Variants in NIPAL2 observed in about 807,000 individuals in gnomAD.
The protein encoded by NIPAL2 is NIPA-like protein 2.
In NIPAL2, 43 loss-of-function variants were observed where a neutral mutation model predicts 48.9. The observed-to-expected ratio is 0.88, with a 90% CI of 0.69 to 1.13. NIPAL2 has a LOEUF of 1.13. NIPAL2 is among the 50% of genes most tolerant of loss of function. The pLI, the probability that NIPAL2 is intolerant of heterozygous loss-of-function variation, is 0.00. For synonymous variants in NIPAL2, 167 were observed against 174.6 expected, an observed-to-expected ratio of 0.96 and a Z score of 0.34; for missense variants, 446 against 461.4, an observed-to-expected ratio of 0.97 and a Z score of 0.31.
chr8:98,204,523 G>T (rs180789861), intron 7 of NIPAL2, among the ~76,000 whole-genome samples: 1 of 152,078 alleles, frequency 6.6e-6, no homozygotes, highest in African/African-American at 2.4e-5. Flanking sequence ...TTGATGGAGT[G>T]GGGGCAGGGA....
chr8:98,232,377 A>C (rs879698108), intron 4 of NIPAL2, among the ~76,000 whole-genome samples: 15 of 152,194 alleles, frequency 9.9e-5, no homozygotes, highest in Admixed American at 5.2e-4. Flanking sequence ...ACCCAATCAG[A>C]GTTGTGGGAA....
chr8:98,273,827 A>C (rs1815291307), intron 1 of NIPAL2, among the ~76,000 whole-genome samples: 1 of 152,010 alleles, frequency 6.6e-6, no homozygotes, highest in East Asian at 1.9e-4. Context: ...GTACCACTAT[A>C]CATTTCCCTC....
At chr8:98,221,972 G>C (rs1379336896) in intron 5 of NIPAL2, among the ~76,000 whole-genome samples, 1 of 152,106 alleles carries the variant, frequency 6.6e-6, no homozygotes, top group Non-Finnish European at 1.5e-5. Context: ...CTACTATAAA[G>C]ACACATGCAC....
chr8:98,217,659 A>G (rs1180022028), intron 5 of NIPAL2, among the ~76,000 whole-genome samples: 2 of 152,218 alleles, frequency 1.3e-5, no homozygotes, highest in Non-Finnish European at 2.9e-5. Flanking sequence ...TTAGAGATGC[A>G]ATTATATAAC....
chr8:98,291,470 A>T (rs545277686), intron 1 of NIPAL2, among the ~76,000 whole-genome samples: 2 of 152,280 alleles, frequency 1.3e-5, no homozygotes, highest in East Asian at 3.9e-4. Context: ...CTTTGCTCTG[A>T]ATTTCCATGG....
At chr8:98,193,424 C>A in intron 10 of NIPAL2, 1 of 1,613,884 alleles carries the variant, frequency 6.2e-7, no homozygotes, top group Non-Finnish European at 8.5e-7. Context: ...TTCTTTTCCA[C>A]GTCGAATGCA....
chr8:98,233,164 A>G (rs1413814210), intron 4 of NIPAL2, among the ~76,000 whole-genome samples: 1 of 152,120 alleles, frequency 6.6e-6, no homozygotes, highest in Non-Finnish European at 1.5e-5. Context: ...AGGCTGAGGC[A>G]GGAGAATTGC....
At position 98,192,963 on chromosome 8, in the gene NIPAL2, C is replaced by A; in HGVS notation, c.*15G>T. On this transcript the variant is annotated 3_prime_UTR_variant, in exon 11 of 11. Transcript: ENST00000430223. ...TGGTATCGAATAACAGGCCAACAGC[C>A]ATCCTTCTCAGCATTTAGACCTCTT... 1 of 1,533,642 alleles carries A rather than the reference C, an allele frequency of 6.5e-7. No individual in the cohort carries two copies.
At chr8:98,199,819 C>T (rs1810721787) in intron 8 of NIPAL2, among the ~76,000 whole-genome samples, 1 of 152,098 alleles carries the variant, frequency 6.6e-6, no homozygotes, top group Admixed American at 6.5e-5. Context: ...ATCTGCAGAG[C>T]ACAATAAAAT....
intron 1 of NIPAL2, among the ~76,000 whole-genome samples, chr8:98,290,957 T>C (rs1187778250): frequency 6.6e-6 from 1 of 152,248 alleles, no homozygotes; most frequent in Non-Finnish European, 1.5e-5. Context: ...TGGCAATGTA[T>C]TGAAGACTTT....
At chr8:98,232,003 T>TA (rs1812463466) in intron 4 of NIPAL2, 1 of 152,206 alleles carries the variant, frequency 6.6e-6, no homozygotes, top group Non-Finnish European at 1.5e-5. Context: ...GATGCTTTTT[T>TA]TAAAAAATTT....
chr8:98,222,730 A>G, intron 4 of NIPAL2, 130 bp from the exon 5 acceptor site: 1 of 843,260 alleles, frequency 1.2e-6, no homozygotes, highest in Non-Finnish European at 1.9e-6. Context: ...ACTCCGTTTC[A>G]TCAAACCATC....
intron 1 of NIPAL2, among the ~76,000 whole-genome samples, chr8:98,267,364 C>A (rs1219283900): frequency 6.6e-6 from 1 of 150,466 alleles, no homozygotes; most frequent in African/African-American, 2.5e-5. Flanking sequence ...CACTTTGTTG[C>A]CCAAGGTGGG....
intron 3 of NIPAL2, 63 bp from the exon 4 acceptor site, chr8:98,236,277 T>C (rs962823031): frequency 8.6e-7 from 1 of 1,156,344 alleles, no homozygotes; most frequent in Non-Finnish European, 1.3e-6. Flanking sequence ...GCAATGCCAT[T>C]TGAAAGAAGT....
intron 1 of NIPAL2, among the ~76,000 whole-genome samples, chr8:98,259,993 C>A (rs758250742): frequency 6.6e-6 from 1 of 152,090 alleles, no homozygotes; most frequent in Non-Finnish European, 1.5e-5. Context: ...ATTTATTACA[C>A]AACAAGAAAT....
intron 6 of NIPAL2, 35 bp downstream of exon 6, chr8:98,212,370 C>G: frequency 8.8e-7 from 1 of 1,130,890 alleles, no homozygotes; most frequent in Non-Finnish European, 1.3e-6. Context: ...CAGCACAGCT[C>G]AATTAAAGAA....
chr8:98,254,185 G>T, intron 1 of NIPAL2, 98 bp from the exon 2 acceptor site: 1 of 922,142 alleles, frequency 1.1e-6, no homozygotes, highest in Non-Finnish European at 1.7e-6. Context: ...CAGTAATTCA[G>T]CTTTAGCCTA....
chr8:98,260,160 G>C (rs1004308649), intron 1 of NIPAL2, among the ~76,000 whole-genome samples: 1 of 152,126 alleles, frequency 6.6e-6, no homozygotes, highest in Non-Finnish European at 1.5e-5. Flanking sequence ...AGACCAAAAG[G>C]CGCTGTTCCA....
intron 6 of NIPAL2, among the ~76,000 whole-genome samples, chr8:98,206,145 C>T (rs1051237197): frequency 3.9e-5 from 6 of 151,962 alleles, no homozygotes; most frequent in Non-Finnish European, 7.4e-5. Flanking sequence ...CATAATTTAG[C>T]TAAAACTCAC....
Sources: allele counts gnomAD v4.1 joint callset (sites outside exome capture counted in the v4.1 genomes callset), GRCh38; gene constraint gnomAD v4.1.1; transcripts MANE v1.5; gene names NCBI Gene and HGNC (gene_info 2026-07-23, HGNC 2026-07-21).